Variants in SLC22A15 observed in about 807,000 individuals in gnomAD.
SLC22A15 encodes the protein flipt 1.
SLC22A15 carries 45 observed loss-of-function variants against 62.7 expected under a neutral mutation model. The ratio of observed to expected loss-of-function variants is 0.72; its 90% CI spans 0.56 to 0.92. The LOEUF is 0.92. SLC22A15 is among the 40% of genes least tolerant of loss of function. The pLI is 0.00. For missense variants in SLC22A15, 622 were observed against 665.6 expected (o/e 0.93, Z 0.72); for synonymous variants, 264 against 267.0 (o/e 0.99, Z 0.11).
At chr1:116,020,188 T>C (rs902800693) in intron 3 of SLC22A15, among the ~76,000 whole-genome samples, 1 of 151,008 alleles carries the variant, frequency 6.6e-6, no homozygotes, top group African/African-American at 2.4e-5. Context: ...TTGACAGAAA[T>C]CATGTAATAA....
At chr1:116,042,469 A>G (rs1030901223) in intron 8 of SLC22A15, among the ~76,000 whole-genome samples, 2 of 152,162 alleles carry the variant, frequency 1.3e-5, no homozygotes, top group African/African-American at 4.8e-5. Flanking sequence ...AAATTGAATA[A>G]AAAACTAACA....
intron 5 of SLC22A15, among the ~76,000 whole-genome samples, chr1:116,028,114 C>G (rs1657192141): frequency 6.6e-6 from 1 of 152,080 alleles, no homozygotes; most frequent in African/African-American, 2.4e-5. Context: ...TACTCTTTAT[C>G]CGGGGTCTAA....
At chr1:116,019,785 G>C (rs1656726291) in intron 3 of SLC22A15, 71 bp downstream of exon 3, 1 of 1,482,720 alleles carries the variant, frequency 6.7e-7, no homozygotes, top group East Asian at 2.3e-5. Context: ...GAAATAATAA[G>C]GGGACTATTT....
intron 2 of SLC22A15, among the ~76,000 whole-genome samples, chr1:115,996,559 G>C (rs771214384): frequency 2.3e-4 from 34 of 150,644 alleles, no homozygotes; most frequent in Admixed American, 3.3e-4. Flanking sequence ...TCATTCATTA[G>C]ATTCACATCT....
At chr1:116,025,707 T>C (rs1227256933) in intron 4 of SLC22A15, among the ~76,000 whole-genome samples, 4 of 152,234 alleles carry the variant, frequency 2.6e-5, no homozygotes, top group African/African-American at 9.6e-5. Flanking sequence ...CTTAGGCAGC[T>C]TCATTTAACC....
At chr1:116,032,022 A>G (rs1387445165) in intron 6 of SLC22A15, 16 of 1,033,580 alleles carry the variant, frequency 1.5e-5, no homozygotes, top group South Asian at 3.6e-5. Context: ...TCCATGCTGC[A>G]TTTTCTGTGG....
chr1:116,065,226 A>C (rs1392202632), intron 10 of SLC22A15, among the ~76,000 whole-genome samples: 2 of 152,108 alleles, frequency 1.3e-5, no homozygotes, highest in Non-Finnish European at 2.9e-5. Flanking sequence ...CCTGTTCTGT[A>C]GACAACTGTT....
intron 8 of SLC22A15, among the ~76,000 whole-genome samples, chr1:116,059,536 A>G (rs141917662): frequency 5.4e-4 from 83 of 152,354 alleles, no homozygotes; most frequent in African/African-American, 1.9e-3. Context: ...ACCACACACA[A>G]AAGTCTACAA....
intron 5 of SLC22A15, among the ~76,000 whole-genome samples, chr1:116,030,941 TA>T (rs886537872): frequency 6.6e-6 from 1 of 152,006 alleles, no homozygotes; most frequent in Admixed American, 6.6e-5. Context: ...TTTTAGAACT[TA>T]AAAAAACCCA....
intron 1 of SLC22A15, 129 bp from the exon 2 acceptor site, chr1:115,991,902 C>A: frequency 1.4e-6 from 1 of 726,758 alleles, no homozygotes; most frequent in Non-Finnish European, 2.3e-6. Flanking sequence ...TCTGATGTGG[C>A]TTATATCTGT....
chr1:116,027,455 T>G, intron 5 of SLC22A15: 1 of 473,488 alleles, frequency 2.1e-6, no homozygotes, highest in South Asian at 1.5e-5. Flanking sequence ...CTCTAAACAT[T>G]GACTCTGGAA....
chr1:116,049,314 A>G lies in SLC22A15; in HGVS notation c.1171+11926A>G, dbSNP rs527576059. ...GAATACACATTCTATTCAACAGCAC[A>G]TGGAACTTTCTCCAAGATAGACTAT... On this transcript the variant is annotated intron_variant, in intron 8 of 11. Coordinates refer to ENST00000369503, the MANE Select transcript of SLC22A15 (RefSeq NM_018420.3). 1.7e-4 allele frequency among the ~76,000 whole-genome samples: 26 copies of G among 152,292 alleles called. No homozygotes were observed. The South Asian group carries it at 5.2e-3, about 30-fold the overall frequency.
chr1:116,056,743 G>GT (rs1370558931), intron 8 of SLC22A15, among the ~76,000 whole-genome samples: 2 of 152,100 alleles, frequency 1.3e-5, no homozygotes. Context: ...GCCCTCAGAT[G>GT]TAACGCCGCA....
intron 8 of SLC22A15, chr1:116,037,643 G>A: frequency 2.8e-6 from 1 of 355,368 alleles, no homozygotes; most frequent in Non-Finnish European, 5.2e-6. Context: ...TGTAGTATTG[G>A]TGATGTTAGA....
In SLC22A15 at chr1:116,067,006, T is replaced by C. The variant is rs774956495; in HGVS notation, c.1555-13T>C. Reference sequence around the variant, plus strand: ...ACATCATTTCACTGCCCTTTTCTTCTTTCCTGTTTCAGTGTGTGGACAAGG... The same window carrying C: ...ACATCATTTCACTGCCCTTTTCTTCCTTCCTGTTTCAGTGTGTGGACAAGG... On this transcript the variant is annotated splice_polypyrimidine_tract_variant and intron_variant, in intron 11 of 11. Coordinates refer to ENST00000369503, the MANE Select transcript of SLC22A15 (RefSeq NM_018420.3). 2.5e-6 allele frequency: 4 copies of C among 1,605,126 alleles called. No homozygotes were observed. The East Asian group carries it at 8.9e-5, about 36-fold the overall frequency.
At chr1:116,020,233 C>G (rs1261751393) in intron 3 of SLC22A15, among the ~76,000 whole-genome samples, 1 of 145,678 alleles carries the variant, frequency 6.9e-6, no homozygotes, top group Non-Finnish European at 1.5e-5. Context: ...AAATAGTTTC[C>G]AAGAGAAGCT....
chr1:116,026,022 G>A (rs1386060530), intron 4 of SLC22A15, among the ~76,000 whole-genome samples: 1 of 152,146 alleles, frequency 6.6e-6, no homozygotes, highest in African/African-American at 2.4e-5. Context: ...TTCTACTTGG[G>A]AAAGACAGGA....
chr1:116,020,587 A>G (rs986459254), intron 3 of SLC22A15, 134 bp from the exon 4 acceptor site: 1 of 800,946 alleles, frequency 1.2e-6, no homozygotes, highest in South Asian at 2.6e-5. Context: ...AAAAAAACAA[A>G]AAGAAACCCA....
Position 116,026,951 on chromosome 1 carries a change from C to A in SLC22A15, c.657C>A (p.Tyr219Ter). The A allele has an allele frequency of 6.2e-7, 1 of 1,613,830 alleles. No individual in the cohort carries two copies. Among genetic ancestry groups the A allele is most frequent in the Non-Finnish European group, 8.5e-7 (1 of 1,179,758 alleles). Residue 219 changes from tyrosine to a stop codon, truncating the protein, a stop_gained, in exon 5 of 12, where the codon TAC (tyrosine) becomes TAA (stop). Transcript: ENST00000369503. LOFTEE classifies it high-confidence loss of function. Reference protein sequence around the residue: ...VGIAQYALLGYFIRSWRTLAI... With the variant: ...VGIAQYALLG ...TTGCCCAATATGCCCTGTTAGGATA[C>A]TTCATCCGCTCCTGGAGGACCCTAG...
Sources: allele counts gnomAD v4.1 joint callset (sites outside exome capture counted in the v4.1 genomes callset), GRCh38; gene constraint gnomAD v4.1.1; transcripts MANE v1.5; gene names NCBI Gene and HGNC (gene_info 2026-07-23, HGNC 2026-07-21).